RYR3: variants seen among roughly 807,000 people sequenced by gnomAD.
The protein encoded by RYR3 is brain ryanodine receptor-calcium release channel.
In RYR3, 207 loss-of-function variants were observed where a neutral mutation model predicts 584.3. The observed-to-expected ratio is 0.35, with a 90% CI of 0.32 to 0.40. The LOEUF is 0.40. Ranked by LOEUF, RYR3 falls within the 10% of genes least tolerant of loss-of-function variation. The probability of loss-of-function intolerance (pLI) is 1.00; values close to 1 mark genes in which losing one functional copy is unlikely to be tolerated. For synonymous variants in RYR3, 2,416 were observed against 2,248.5 expected (o/e 1.07, Z -2.11); for missense variants, 5,616 against 6,089.2 (o/e 0.92, Z 2.59).
chr15:33,601,677 C>A, intron 17 of RYR3, 125 bp downstream of exon 17: 1 of 994,038 alleles, frequency 1.0e-6, no homozygotes, highest in Non-Finnish European at 1.5e-6. Flanking sequence ...GATACAAGTA[C>A]ATAAGACAAG....
chr15:33,658,546 AT>A (rs2062956499), intron 32 of RYR3, among the ~76,000 whole-genome samples: 2 of 152,366 alleles, frequency 1.3e-5, no homozygotes, highest in South Asian at 4.1e-4. Flanking sequence ...ACCTTAGGGT[AT>A]GTCCAGCACA....
rs200619009 is a variant in RYR3, at chr15:33,722,792, C to T, written c.6697C>T (p.Arg2233Trp). Residue 2233 changes from arginine to tryptophan, a missense_variant, in exon 44 of 104, where the codon CGG becomes TGG. Physicochemically the swap from Arg to Trp is moderately radical, Grantham distance 101 (BLOSUM62 -3). Transcript: ENST00000634891. ...RRPECFGPAL[R>W]GEGGNGLLAA... ...CCCAGAGTGCTTCGGCCCGGCCCTG[C>T]GGGGTGAGGGGGGAAACGGGCTCTT... is the stretch of plus-strand genomic sequence containing the variant. The T allele has an allele frequency of 5.0e-6, 8 of 1,612,994 alleles. No homozygotes were observed. The highest frequency in any genetic ancestry group is 1.1e-5 in the South Asian group (1 of 90,782).
At chr15:33,766,055 T>TA (rs1289165752) in intron 60 of RYR3, among the ~76,000 whole-genome samples, 2 of 151,454 alleles carry the variant, frequency 1.3e-5, no homozygotes, top group Non-Finnish European at 2.9e-5. Flanking sequence ...CTGAGGTGGG[T>TA]GGATCACTTG....
At chr15:33,857,700 G>A (rs2079839897) in intron 98 of RYR3, 80 bp from the exon 99 acceptor site, 13 of 1,557,428 alleles carry the variant, frequency 8.3e-6, no homozygotes, top group Admixed American at 1.8e-5. Flanking sequence ...CTTCCTCCTC[G>A]TTTTCTTAGA....
intron 19 of RYR3, 92 bp from the exon 20 acceptor site, chr15:33,623,715 G>A (rs1220171322): frequency 2.3e-6 from 2 of 875,670 alleles, no homozygotes; most frequent in Non-Finnish European, 3.6e-6. Flanking sequence ...TATGTTGAGG[G>A]TGGGAGGTAG....
At chr15:33,413,420 C>T (rs1002378714) in intron 1 of RYR3, among the ~76,000 whole-genome samples, 18 of 152,220 alleles carry the variant, frequency 1.2e-4, no homozygotes, top group Admixed American at 7.2e-4. Context: ...CGTCATGTGA[C>T]GAAAGGTGGG....
At chr15:33,504,377 A>G (rs2052277037) in intron 3 of RYR3, among the ~76,000 whole-genome samples, 1 of 152,172 alleles carries the variant, frequency 6.6e-6, no homozygotes, top group South Asian at 2.1e-4. Flanking sequence ...CTAATGGCTC[A>G]CATTCATTTT....
chr15:33,566,626 C>T (rs2057730504), intron 11 of RYR3, 52 bp from the exon 12 acceptor site: 1 of 1,599,228 alleles, frequency 6.3e-7, no homozygotes, highest in Non-Finnish European at 8.6e-7. Flanking sequence ...GTTGACTGCC[C>T]ATATGTGGAA....
At chr15:33,421,549 A>G (rs989831819) in intron 1 of RYR3, among the ~76,000 whole-genome samples, 7 of 152,108 alleles carry the variant, frequency 4.6e-5, no homozygotes, top group African/African-American at 1.7e-4. Context: ...TGGTTCCCAA[A>G]CAAAGGTAGA....
intron 60 of RYR3, among the ~76,000 whole-genome samples, chr15:33,766,754 A>G (rs557514563): frequency 2.0e-5 from 3 of 152,322 alleles, no homozygotes; most frequent in South Asian, 4.1e-4. Flanking sequence ...CTTCTTTGCA[A>G]TCTTCGCCCT....
At position 33,340,470 on chromosome 15, in the gene RYR3, C is replaced by T. The variant is rs113475928; in HGVS notation, c.51+29374C>T. Among the ~76,000 whole-genome samples the T allele has an allele frequency of 9.8e-3, 1,498 of 152,326 alleles. 29 individuals carry two copies. The highest frequency in any genetic ancestry group is 0.034 in the African/African-American group (1,400 of 41,572). ...GCCTGCTAGGGATGCCATTATAAAA[C>T]ACCATAGACTGGGTGGCTTAAACAG... is the stretch of plus-strand genomic sequence containing the variant. On this transcript the variant is annotated intron_variant, in intron 1 of 103. Coordinates refer to ENST00000634891, the MANE Select transcript of RYR3 (RefSeq NM_001036.6).
chr15:33,550,054 C>A, intron 9 of RYR3, 106 bp from the exon 10 acceptor site: 1 of 1,202,430 alleles, frequency 8.3e-7, no homozygotes, highest in Non-Finnish European at 1.1e-6. Context: ...GGATGGACAC[C>A]AGAAGGGTTA....
At chr15:33,319,239 C>G (rs1056425663) in intron 1 of RYR3, among the ~76,000 whole-genome samples, 9 of 152,210 alleles carry the variant, frequency 5.9e-5, no homozygotes, top group African/African-American at 1.7e-4. Context: ...TCGTGTTGCT[C>G]TATACCATGG....
At chr15:33,330,355 C>T (rs1970233850) in intron 1 of RYR3, among the ~76,000 whole-genome samples, 1 of 152,072 alleles carries the variant, frequency 6.6e-6, no homozygotes, top group South Asian at 2.1e-4. Flanking sequence ...CTTTGCATCC[C>T]CCTGTCTGAA....
intron 103 of RYR3, 39 bp downstream of exon 103, chr15:33,864,228 C>G (rs1248828963): frequency 2.6e-6 from 4 of 1,527,882 alleles, no homozygotes; most frequent in Non-Finnish European, 3.6e-6. Context: ...TTAGATCTCC[C>G]TTTCCTAAAT....
chr15:33,692,449 A>C (rs1020839253), intron 38 of RYR3, among the ~76,000 whole-genome samples: 12 of 151,332 alleles, frequency 7.9e-5, no homozygotes, highest in African/African-American at 2.9e-4. Context: ...CCTGAATTTT[A>C]TTTCTTTTCA....
intron 15 of RYR3, among the ~76,000 whole-genome samples, 196 bp from the exon 16 acceptor site, chr15:33,585,802 C>T (rs770116482): frequency 5.9e-5 from 9 of 152,174 alleles, no homozygotes; most frequent in Non-Finnish European, 1.3e-4. Context: ...AAATTACAGA[C>T]TGGTTGGCCC....
At chr15:33,522,669 C>CA (rs1221418678) in intron 3 of RYR3, among the ~76,000 whole-genome samples, 2 of 151,928 alleles carry the variant, frequency 1.3e-5, no homozygotes, top group Non-Finnish European at 2.9e-5. Flanking sequence ...CTATCTGATC[C>CA]AAAAAAGGTG....
At chr15:33,795,274 T>C (rs2075529194) in intron 67 of RYR3, among the ~76,000 whole-genome samples, 1 of 152,028 alleles carries the variant, frequency 6.6e-6, no homozygotes, top group Admixed American at 6.6e-5. Context: ...TGACCCAGAA[T>C]AAGCAAGAAC....
Sources: gnomAD v4.1 joint callset for allele counts (sites outside exome capture counted in the v4.1 genomes callset) on GRCh38, gnomAD v4.1.1 for gene constraint, MANE v1.5 for transcripts, NCBI Gene and HGNC (gene_info 2026-07-23, HGNC 2026-07-21) for gene names.